EYS: variants seen among roughly 807,000 people sequenced by gnomAD.
The protein encoded by EYS is protein eyes shut homolog.
A neutral mutation model predicts 282.1 loss-of-function variants in EYS; 250 were observed. That is an observed-to-expected ratio of 0.89 (90% CI 0.80 to 0.98). The LOEUF (loss-of-function observed/expected upper bound fraction) is 0.98. EYS is among the 50% of genes least tolerant of loss of function. The probability of loss-of-function intolerance (pLI) is 0.00; values close to 1 mark genes in which losing one functional copy is unlikely to be tolerated. For synonymous variants in EYS, 1,355 were observed against 1,282.9 expected, an observed-to-expected ratio of 1.06 and a Z score of -1.20; for missense variants, 4,016 against 3,709.0, an observed-to-expected ratio of 1.08 and a Z score of -2.15.
At chr6:64,958,760 A>AAAAAAAAAAAAAAAAG (rs1769812125) in intron 14 of EYS, among the ~76,000 whole-genome samples, 3 of 148,798 alleles carry the variant, frequency 2.0e-5, no homozygotes, top group African/African-American at 7.4e-5. Context: ...AAAAAAAAAA[A>AAAAAAAAAAAAAAAAG]AAAGAAACAA....
chr6:64,604,153 G>T (rs1315057460), intron 24 of EYS, among the ~76,000 whole-genome samples: 1 of 151,870 alleles, frequency 6.6e-6, no homozygotes, highest in Non-Finnish European at 1.5e-5. Flanking sequence ...GCTCCTGAGA[G>T]TCATTGCCTG....
chr6:65,240,253 C>A (rs1767025058), intron 12 of EYS, among the ~76,000 whole-genome samples: 1 of 152,126 alleles, frequency 6.6e-6, no homozygotes, highest in African/African-American at 2.4e-5. Flanking sequence ...CAGACATGAG[C>A]CACCATGCCC....
At chr6:64,261,852 G>T (rs906042564) in intron 30 of EYS, among the ~76,000 whole-genome samples, 5 of 151,642 alleles carry the variant, frequency 3.3e-5, no homozygotes, top group Non-Finnish European at 7.4e-5. Flanking sequence ...CACTTCCCAG[G>T]GTCAAGGGCT....
chr6:65,617,493 T>A (rs1190824763), intron 2 of EYS, among the ~76,000 whole-genome samples: 2 of 152,014 alleles, frequency 1.3e-5, no homozygotes, highest in African/African-American at 4.8e-5. Flanking sequence ...GAGACCTGAA[T>A]TAAAATTATA....
intron 28 of EYS, among the ~76,000 whole-genome samples, chr6:64,391,868 A>G (rs1773162910): frequency 6.6e-6 from 1 of 152,232 alleles, no homozygotes; most frequent in South Asian, 2.1e-4. Flanking sequence ...AGTGTGCTGT[A>G]TTCAGAAAAC....
At chr6:65,303,750 TG>T (rs1269382801) in intron 11 of EYS, 1 of 548,826 alleles carries the variant, frequency 1.8e-6, no homozygotes, top group Non-Finnish European at 3.1e-6. Context: ...TCTGAGGTCC[TG>T]GCTGAAGAAG....
At chr6:64,881,087 C>T (rs564367980) in intron 19 of EYS, among the ~76,000 whole-genome samples, 1 of 151,808 alleles carries the variant, frequency 6.6e-6, no homozygotes, top group Admixed American at 6.6e-5. Context: ...TATTGAGACA[C>T]TTTGTCCATC....
intron 2 of EYS, among the ~76,000 whole-genome samples, chr6:65,606,762 C>G (rs1456810262): frequency 1.3e-5 from 2 of 151,784 alleles, no homozygotes; most frequent in African/African-American, 4.8e-5. Context: ...CCTTCTGCAT[C>G]TAAACATGAA....
intron 7 of EYS, among the ~76,000 whole-genome samples, chr6:65,391,791 G>T (rs577476542): frequency 0.029 from 4,418 of 151,052 alleles, 90 homozygotes; most frequent in South Asian, 0.057. Context: ...AGCTACCAAT[G>T]ACTTTCTTTA....
At chr6:65,153,274 G>C (rs1415207016) in intron 12 of EYS, among the ~76,000 whole-genome samples, 1 of 151,548 alleles carries the variant, frequency 6.6e-6, no homozygotes, top group Non-Finnish European at 1.5e-5. Flanking sequence ...CACAGTTCCA[G>C]TCAATATTTT....
In EYS at chr6:64,858,719, T is replaced by A. The variant is rs190226787; in HGVS notation, c.2992+27978A>T. ...ATGCAGGATACCAATTAAATAAAAT[T>A]AAGAAAAATTATATGAAATCATCTC... On this transcript the variant is annotated intron_variant, in intron 19 of 42. Coordinates refer to ENST00000503581, the MANE Select transcript of EYS (RefSeq NM_001142800.2). Among the ~76,000 whole-genome samples the A allele has an allele frequency of 4.6e-5, 7 of 152,148 alleles. No individual in the cohort carries two copies. The East Asian group carries it at 1.2e-3, about 25-fold the overall frequency.
chr6:63,996,534 TA>T (rs1363193180), intron 34 of EYS, among the ~76,000 whole-genome samples: 2 of 151,554 alleles, frequency 1.3e-5, no homozygotes, highest in Non-Finnish European at 2.9e-5. Context: ...GAACTTAAAG[TA>T]AAAAAACAAA....
intron 22 of EYS, among the ~76,000 whole-genome samples, chr6:64,692,898 G>T (rs1770437643): frequency 7.1e-6 from 1 of 141,600 alleles, no homozygotes; most frequent in East Asian, 2.2e-4. Flanking sequence ...CAGCTGCTCT[G>T]TAGTACAGCT....
At chr6:64,358,844 C>G (rs929163764) in intron 29 of EYS, among the ~76,000 whole-genome samples, 3 of 151,672 alleles carry the variant, frequency 2.0e-5, no homozygotes, top group African/African-American at 7.2e-5. Context: ...GAAGAAATGT[C>G]AAATACTAAC....
chr6:64,802,443 T>G (rs1764275896), intron 22 of EYS, among the ~76,000 whole-genome samples: 1 of 152,184 alleles, frequency 6.6e-6, no homozygotes, highest in Admixed American at 6.5e-5. Context: ...TTGCTCTTTC[T>G]TGTTAACCTT....
chr6:65,698,822 A>G (rs1337023574), intron 1 of EYS, among the ~76,000 whole-genome samples: 2 of 152,196 alleles, frequency 1.3e-5, no homozygotes, highest in East Asian at 1.9e-4. Context: ...AGTTTTTTCT[A>G]AAATTCCCCA....
Position 64,841,603 on chromosome 6 carries a change from T to C in EYS, c.2993-18781A>G, listed in dbSNP as rs1489902285. ...TTTCCCAATCCGAAATCCAGAACAT[T>C]GTCTACTAAATTATATTGCTTTGAT... On this transcript the variant is annotated intron_variant, in intron 19 of 42. Transcript: ENST00000503581. 2.0e-5 allele frequency among the ~76,000 whole-genome samples: 3 copies of C among 152,118 alleles called. No homozygotes were observed. The East Asian group carries it at 5.8e-4, about 29-fold the overall frequency.
At chr6:64,044,647 T>A (rs1046040510) in intron 33 of EYS, among the ~76,000 whole-genome samples, 3 of 152,232 alleles carry the variant, frequency 2.0e-5, no homozygotes, top group Admixed American at 6.5e-5. Flanking sequence ...TGTCTTAGAG[T>A]GCTTAACATT....
intron 40 of EYS, among the ~76,000 whole-genome samples, chr6:63,765,117 A>G (rs1769754197): frequency 6.6e-6 from 1 of 151,992 alleles, no homozygotes; most frequent in Non-Finnish European, 1.5e-5. Context: ...GTAAAAACAA[A>G]ACAGAGGTAG....
Sources: allele counts gnomAD v4.1 joint callset (sites outside exome capture counted in the v4.1 genomes callset), GRCh38; gene constraint gnomAD v4.1.1; transcripts MANE v1.5; gene names NCBI Gene and HGNC (gene_info 2026-07-23, HGNC 2026-07-21).